RTL4: variants seen among roughly 807,000 people sequenced by gnomAD.
RTL4 encodes the protein retrotransposon Gag like 4.
A neutral mutation model predicts 5.3 loss-of-function variants in RTL4; 4 were observed. That is an observed-to-expected ratio of 0.75 (90% CI 0.37 to 1.72). RTL4 has a LOEUF of 1.72. Among genes scored for constraint, RTL4 ranks in the 40% most tolerant of loss-of-function variants. The probability of loss-of-function intolerance (pLI) is 0.04; values close to 1 mark genes in which losing one functional copy is unlikely to be tolerated. For synonymous variants in RTL4, 98 were observed against 87.3 expected (o/e 1.12, Z -0.68); for missense variants, 260 against 227.1 (o/e 1.14, Z -0.93).
At chrX:112,169,014 T>TTC in the RTL4 span, among the ~76,000 whole-genome samples, 7 of 94,816 alleles carry the variant, frequency 7.4e-5, no homozygotes, top group Admixed American at 2.3e-4. Flanking sequence ...CTTTCTTTCT[T>TTC]TCTTTCTCTT....
the RTL4 span, among the ~76,000 whole-genome samples, chrX:112,365,026 G>T: frequency 1.8e-5 from 2 of 111,529 alleles, no homozygotes; most frequent in African/African-American, 6.5e-5. Context: ...GTAATAGAAT[G>T]TAAGATGGTG....
the RTL4 span, among the ~76,000 whole-genome samples, chrX:112,260,397 C>T: frequency 9.0e-6 from 1 of 111,452 alleles, no homozygotes; most frequent in Non-Finnish European, 1.9e-5. Context: ...AAAAGGATTG[C>T]AGTAATGTGA....
the RTL4 span, among the ~76,000 whole-genome samples, chrX:112,321,594 A>T: frequency 9.0e-6 from 1 of 111,081 alleles, no homozygotes; most frequent in East Asian, 2.8e-4. Flanking sequence ...AGACAGACAG[A>T]CAGAAAGAAA....
At chrX:112,142,006 C>G in the RTL4 span, among the ~76,000 whole-genome samples, 1 of 111,428 alleles carries the variant, frequency 9.0e-6, no homozygotes, top group Non-Finnish European at 1.9e-5. Context: ...AGACAAGGAA[C>G]CGGGAAGATA....
chrX:112,107,388 A>C, the RTL4 span, among the ~76,000 whole-genome samples: 1 of 112,288 alleles, frequency 8.9e-6, no homozygotes, highest in South Asian at 3.7e-4. Context: ...ACTGTATTAT[A>C]CATACTTTTT....
the RTL4 span, among the ~76,000 whole-genome samples, chrX:112,298,080 G>A: frequency 1.8e-5 from 2 of 111,734 alleles, no homozygotes; most frequent in African/African-American, 3.3e-5. Flanking sequence ...GAATCAGAGC[G>A]TCTGGATCCC....
At chrX:112,256,181 C>A in the RTL4 span, among the ~76,000 whole-genome samples, 1 of 111,761 alleles carries the variant, frequency 8.9e-6, no homozygotes, top group African/African-American at 3.2e-5. Context: ...GACTAGCTTT[C>A]TAGCTTTAAA....
chrX:112,109,209 A>C, the RTL4 span, among the ~76,000 whole-genome samples: 1 of 111,834 alleles, frequency 8.9e-6, no homozygotes, highest in Admixed American at 9.4e-5. Flanking sequence ...TTCTGTGAGG[A>C]GACAATCTCT....
the RTL4 span, among the ~76,000 whole-genome samples, chrX:112,100,648 T>C: frequency 8.9e-6 from 1 of 112,005 alleles, no homozygotes; most frequent in East Asian, 2.8e-4. Flanking sequence ...AAAAAGAGTC[T>C]GGATGTATTC....
chrX:112,363,086 G>T, the RTL4 span, among the ~76,000 whole-genome samples: 8 of 110,854 alleles, frequency 7.2e-5, no homozygotes, highest in Admixed American at 9.6e-5. Flanking sequence ...AAAGGGTAAA[G>T]GTGGGAGAGA....
the RTL4 span, among the ~76,000 whole-genome samples, chrX:112,416,877 T>A: frequency 2.0e-4 from 22 of 111,758 alleles, no homozygotes; most frequent in South Asian, 8.3e-3. Flanking sequence ...AGAGATTTGG[T>A]GCATATCATT....
chrX:112,213,189 A>G, the RTL4 span, among the ~76,000 whole-genome samples: 1 of 112,882 alleles, frequency 8.9e-6, no homozygotes, highest in Admixed American at 9.3e-5. Context: ...AATATCTGGG[A>G]GTTTATGATG....
chrX:112,444,195 GAC>G, the RTL4 span, among the ~76,000 whole-genome samples: 1 of 101,158 alleles, frequency 9.9e-6, no homozygotes, highest in South Asian at 4.0e-4. Flanking sequence ...TTATTTAAGA[GAC>G]TATTTTTTTC....
At chrX:112,268,499 G>A in the RTL4 span, among the ~76,000 whole-genome samples, 1 of 111,515 alleles carries the variant, frequency 9.0e-6, no homozygotes, top group East Asian at 2.8e-4. Flanking sequence ...TTTCAACCCA[G>A]ATATCTCTTA....
At chrX:112,109,779 C>G in the RTL4 span, among the ~76,000 whole-genome samples, 1 of 111,576 alleles carries the variant, frequency 9.0e-6, no homozygotes, top group Non-Finnish European at 1.9e-5. Context: ...GACACCCCAA[C>G]TGCTGCTGGG....
At chrX:112,442,383 G>C in the RTL4 span, among the ~76,000 whole-genome samples, 1 of 107,381 alleles carries the variant, frequency 9.3e-6, no homozygotes, top group Admixed American at 1.0e-4. Context: ...TAGGATTACA[G>C]GTGCCCACCA....
At chrX:112,386,098 A>T in the RTL4 span, among the ~76,000 whole-genome samples, 1 of 109,598 alleles carries the variant, frequency 9.1e-6, no homozygotes, top group South Asian at 3.7e-4. Flanking sequence ...ATTTTACAAT[A>T]GTTTTATTTT....
the RTL4 span, among the ~76,000 whole-genome samples, chrX:112,257,578 C>T: frequency 9.0e-6 from 1 of 110,544 alleles, no homozygotes; most frequent in Admixed American, 9.8e-5. Flanking sequence ...AAGATGCCAG[C>T]AGATTCAGTG....
At chrX:112,150,107 G>A in the RTL4 span, among the ~76,000 whole-genome samples, 4 of 111,585 alleles carry the variant, frequency 3.6e-5, no homozygotes, top group African/African-American at 1.3e-4. Flanking sequence ...GGAGCAGCAT[G>A]AGCCAGGTGG....
Sources: gnomAD v4.1 joint callset for allele counts (sites outside exome capture counted in the v4.1 genomes callset) on GRCh38, gnomAD v4.1.1 for gene constraint, MANE v1.5 for transcripts, NCBI Gene and HGNC (gene_info 2026-07-23, HGNC 2026-07-21) for gene names.